The following BCL9 variants were observed in gnomAD, a reference collection of about 807,000 sequenced individuals.
The protein encoded by BCL9 is B-cell CLL/lymphoma 9 protein.
In BCL9, 25 loss-of-function variants were observed where a neutral mutation model predicts 88.5. The observed-to-expected ratio is 0.28, with a 90% CI of 0.21 to 0.39. The LOEUF is 0.39. BCL9 is among the 10% of genes least tolerant of loss of function. The pLI, the probability that BCL9 is intolerant of heterozygous loss-of-function variation, is 1.00. For synonymous variants in BCL9, 711 were observed against 673.3 expected, an observed-to-expected ratio of 1.06 and a Z score of -0.87; for missense variants, 1,817 against 1,877.8, an observed-to-expected ratio of 0.97 and a Z score of 0.60.
rs782323332 is a variant in BCL9, at chr1:147,619,662, C to A, written c.1507C>A (p.His503Asn). ...QQCSLQDMMVHQHGPRGVVRG... is the reference protein window; with the variant it reads ...QQCSLQDMMVNQHGPRGVVRG... Reference sequence around the variant, plus strand: ...GTGTTCCCTCCAGGACATGATGGTCCATCAGCACGGGCCTCGGGGAGTGGT... The same window carrying A: ...GTGTTCCCTCCAGGACATGATGGTCAATCAGCACGGGCCTCGGGGAGTGGT... The change falls in exon 8 of 10, where the codon CAT becomes AAT. Residue 503 changes from histidine to asparagine, a missense_variant. By Grantham distance (68) the His-to-Asn change is moderately conservative. This residue lies in a region of BCL9 where 1,228 missense variants were observed against 1,191.6 expected (regional missense o/e 1.03). Coordinates refer to ENST00000234739, the MANE Select transcript of BCL9 (RefSeq NM_004326.4). This position sits in a 1 kb window ranked among gnomAD's most constrained non-coding sequence, Gnocchi z 4.1. 21 of 1,613,978 alleles carry A rather than the reference C, an allele frequency of 1.3e-5. No homozygotes were observed. Among genetic ancestry groups the A allele is most frequent in the African/African-American group, 2.7e-5 (2 of 74,906 alleles).
intron 1 of BCL9, chr1:147,600,280 C>G (rs1235152668): frequency 6.5e-6 from 1 of 153,824 alleles, no homozygotes; most frequent in Non-Finnish European, 1.4e-5. Flanking sequence ...CCGCCCCGGA[C>G]CCAAGCCTCT....
chr1:147,573,725 T>C (rs1655985331), intron 1 of BCL9, among the ~76,000 whole-genome samples: 1 of 152,234 alleles, frequency 6.6e-6, no homozygotes, highest in Non-Finnish European at 1.5e-5. Context: ...ATTCATGTAC[T>C]ACATTTAACA....
chr1:147,590,868 G>T (rs1656816877), intron 1 of BCL9, among the ~76,000 whole-genome samples: 1 of 152,132 alleles, frequency 6.6e-6, no homozygotes, highest in African/African-American at 2.4e-5. Context: ...CGTTATGATG[G>T]GAGCTATCTA....
chr1:147,619,372 T>C lies in BCL9; in HGVS notation c.1217T>C (p.Ile406Thr). 6.2e-7 allele frequency: 1 copy of C among 1,613,856 alleles called. No homozygotes were observed. ...CCTCAGAAAAAACCAGAAGGGCCAATACAGGCCATGATGGCCCAATCCCAA... is the reference window on the plus strand; with the variant it reads ...CCTCAGAAAAAACCAGAAGGGCCAACACAGGCCATGATGGCCCAATCCCAA... ...DGPQKKPEGPIQAMMAQSQSL... is the reference protein window; with the variant it reads ...DGPQKKPEGPTQAMMAQSQSL... Residue 406 changes from isoleucine to threonine, a missense_variant, in exon 8 of 10, where the codon ATA becomes ACA. Ile to Thr is a moderately conservative substitution (Grantham distance 89). This residue lies in a region of BCL9 where 1,228 missense variants were observed against 1,191.6 expected (regional missense o/e 1.03). Coordinates refer to ENST00000234739, the MANE Select transcript of BCL9 (RefSeq NM_004326.4). This position sits in a 1 kb window ranked among gnomAD's most constrained non-coding sequence, Gnocchi z 4.1.
At chr1:147,621,645 G>C (rs1658655254) in intron 8 of BCL9, among the ~76,000 whole-genome samples, 1 of 152,220 alleles carries the variant, frequency 6.6e-6, no homozygotes, top group Non-Finnish European at 1.5e-5. Context: ...AGTGGAAGTA[G>C]TGCCAAGGTG....
chr1:147,584,722 T>G (rs141643115), intron 1 of BCL9, among the ~76,000 whole-genome samples: 34 of 152,318 alleles, frequency 2.2e-4, no homozygotes, highest in African/African-American at 7.7e-4. Context: ...AACTGTAAAT[T>G]TCAGTAGCAT....
intron 6 of BCL9, among the ~76,000 whole-genome samples, chr1:147,615,530 C>T (rs1465542283): frequency 3.9e-5 from 6 of 152,160 alleles, no homozygotes; most frequent in African/African-American, 1.4e-4. Flanking sequence ...CCTACCACAG[C>T]GGATTAGTTT....
chr1:147,615,787 T>A lies in BCL9; in HGVS notation c.561-16T>A, dbSNP rs373865403. ...GAAACAAGTTCTAGTGTGTGCTGTC[T>A]CTTCCATCTTTGCAGAGCTGCAGAA... On this transcript the variant is annotated splice_polypyrimidine_tract_variant and intron_variant, in intron 6 of 9. Coordinates refer to ENST00000234739, the MANE Select transcript of BCL9 (RefSeq NM_004326.4). 6.2e-7 allele frequency: 1 copy of A among 1,605,800 alleles called. No homozygotes were observed. Among genetic ancestry groups the A allele is most frequent in the Non-Finnish European group, 8.5e-7 (1 of 1,172,366 alleles).
At chr1:147,600,709 G>T (rs1244178658) in intron 1 of BCL9, among the ~76,000 whole-genome samples, 1 of 152,070 alleles carries the variant, frequency 6.6e-6, no homozygotes, top group Non-Finnish European at 1.5e-5. Flanking sequence ...AGGGAATTGG[G>T]ATTGAGTTTG....
intron 4 of BCL9, 108 bp downstream of exon 4, chr1:147,611,997 C>A: frequency 1.7e-6 from 2 of 1,171,082 alleles, no homozygotes; most frequent in South Asian, 1.3e-5. Context: ...AAATGAAACC[C>A]AAATGGGAAA....
At chr1:147,550,975 G>A (rs1256061948) in intron 1 of BCL9, among the ~76,000 whole-genome samples, 4 of 152,182 alleles carry the variant, frequency 2.6e-5, no homozygotes, top group Non-Finnish European at 5.9e-5. Context: ...TAAGGAGGAA[G>A]GAAATGTTGA....
At chr1:147,617,900 T>C (rs1319188831) in intron 7 of BCL9, among the ~76,000 whole-genome samples, 4 of 152,224 alleles carry the variant, frequency 2.6e-5, no homozygotes, top group African/African-American at 4.8e-5. Context: ...GCAGTGCTCT[T>C]GGTTTAGACC....
intron 1 of BCL9, among the ~76,000 whole-genome samples, chr1:147,599,091 G>A (rs1657187057): frequency 6.6e-6 from 1 of 152,252 alleles, no homozygotes. Context: ...GTGAGGTCCT[G>A]GACAGAGGTT....
chr1:147,584,510 C>CT (rs1333636913), intron 1 of BCL9, among the ~76,000 whole-genome samples: 5 of 152,052 alleles, frequency 3.3e-5, no homozygotes, highest in South Asian at 2.1e-4. Flanking sequence ...GTTGACTAAT[C>CT]TTTTTTTTAA....
chr1:147,565,873 C>T (rs782351375), intron 1 of BCL9, among the ~76,000 whole-genome samples: 4 of 151,964 alleles, frequency 2.6e-5, no homozygotes, highest in Non-Finnish European at 5.9e-5. Context: ...TGATTAATTT[C>T]CTCCCCTCCA....
At chr1:147,543,249 CT>C (rs1382244497) in intron 1 of BCL9, among the ~76,000 whole-genome samples, 1 of 152,184 alleles carries the variant, frequency 6.6e-6, no homozygotes, top group Non-Finnish European at 1.5e-5. Context: ...TGGAGGAGTT[CT>C]GCTTTCTTAC....
intron 1 of BCL9, among the ~76,000 whole-genome samples, chr1:147,550,826 T>TA (rs1557819083): frequency 6.6e-6 from 1 of 152,228 alleles, no homozygotes. Context: ...TCATCATCTG[T>TA]AAAATAGGGA....
chr1:147,615,954 A>C, intron 7 of BCL9, 52 bp downstream of exon 7: 11 of 1,524,800 alleles, frequency 7.2e-6, no homozygotes, highest in Non-Finnish European at 1.0e-5. Flanking sequence ...CAGTGACTGC[A>C]AAGGAAAGGA....
In BCL9 at chr1:147,624,422, G is replaced by A. The variant is rs782211226; in HGVS notation, c.3744G>A (p.Thr1248=). ...TTCCATCTGAGAAGCCCAGCCAGAC[G>A]CTGCAATATTTCCCTCGAGGGGAAG... is the stretch of plus-strand genomic sequence containing the variant. ...RIIPSEKPSQ[T]LQYFPRGEVP... The change falls in exon 10 of 10, where the codon ACG becomes ACA. Residue 1248 remains threonine (T), a synonymous_variant. Transcript: ENST00000234739. This position sits in a 1 kb window ranked among gnomAD's most constrained non-coding sequence, Gnocchi z 4.4. The A allele has an allele frequency of 9.3e-6, 15 of 1,614,106 alleles. No individual in the cohort carries two copies. The South Asian group carries it at 1.2e-4, about 13-fold the overall frequency.
Sources: allele counts gnomAD v4.1 joint callset (sites outside exome capture counted in the v4.1 genomes callset), GRCh38; gene constraint gnomAD v4.1.1; regional missense constraint gnomAD v4.1.1; non-coding constraint Gnocchi (gnomAD v3.1); transcripts MANE v1.5; gene names NCBI Gene and HGNC (gene_info 2026-07-23, HGNC 2026-07-21).